SKA3: variants seen among roughly 807,000 people sequenced by gnomAD.
SKA3 encodes the protein spindle and kinetochore associated complex subunit 3.
A neutral mutation model predicts 44.2 loss-of-function variants in SKA3; 39 were observed. The observed-to-expected ratio is 0.88, with a 90% CI of 0.68 to 1.15. The LOEUF (loss-of-function observed/expected upper bound fraction) is 1.15, where lower values mean the gene tolerates loss of function less well. SKA3 is among the 50% of genes most tolerant of loss of function. The pLI, the probability that SKA3 is intolerant of heterozygous loss-of-function variation, is 0.00. For synonymous variants in SKA3, 192 were observed against 172.0 expected (o/e 1.12, Z -0.91); for missense variants, 511 against 485.8 (o/e 1.05, Z -0.49).
intron 6 of SKA3, among the ~76,000 whole-genome samples, chr13:21,158,698 G>C (rs1870271952): frequency 6.6e-6 from 1 of 152,084 alleles, no homozygotes; most frequent in Admixed American, 6.6e-5. Flanking sequence ...GATTTAGATG[G>C]ATACTCCCAC....
rs1282759035 is a variant in SKA3, at chr13:21,153,663, A to G, written c.*1487T>C. On this transcript the variant is annotated 3_prime_UTR_variant, in exon 9 of 9. Transcript: ENST00000314759. The stretch of plus-strand genomic sequence containing the variant: ...ACAGAATCATCACTCTCCTTGAAAT[A>G]CTTTCTTCCTACTTCACTGGCCTCA... 2 of 152,204 alleles carry G rather than the reference A, an allele frequency of 1.3e-5. No individual in the cohort carries two copies. Among genetic ancestry groups the G allele is most frequent in the African/African-American group, 4.8e-5 (2 of 41,426 alleles). The allele number at this position is 152,204 out of a possible 1,614,324, so 9.4% of individuals were successfully genotyped here. A position where few individuals can be genotyped will look rare whatever the true frequency, so the allele number is the denominator to read the frequency against.
At chr13:21,160,057 C>T (rs958082021) in intron 5 of SKA3, 70 bp from the exon 6 acceptor site, 1 of 959,032 alleles carries the variant, frequency 1.0e-6, no homozygotes, top group East Asian at 4.0e-5. Context: ...GGAAGAAAAT[C>T]TCATATTTAC....
chr13:21,170,514 A>G (rs1218121866), intron 3 of SKA3, among the ~76,000 whole-genome samples: 1 of 152,082 alleles, frequency 6.6e-6, no homozygotes, highest in Non-Finnish European at 1.5e-5. Flanking sequence ...GTTTTGTTTT[A>G]AAAGTCTTGA....
chr13:21,161,809 G>C lies in SKA3; in HGVS notation c.810C>G (p.Ile270Met), dbSNP rs778222028. ...DNVFATPSPI[I>M]QQLEKSDAEY... ...ACTTACCACTTTTTTCCAACTGCTG[G>C]ATGATGGGGCTGGGAGTGGCAAAAA... The change falls in exon 5 of 9, where the codon ATC becomes ATG. Residue 270 changes from isoleucine to methionine, a missense_variant. Ile to Met is a conservative substitution (Grantham distance 10, BLOSUM62 1). Coordinates refer to ENST00000314759, the MANE Select transcript of SKA3 (RefSeq NM_145061.6). The C allele has an allele frequency of 6.2e-7, 1 of 1,611,648 alleles. No individual in the cohort carries two copies. The highest frequency in any genetic ancestry group is 1.1e-5 in the South Asian group (1 of 90,746).
chr13:21,174,999 AGATG>A lies in SKA3; in HGVS notation c.103+1372_103+1375del, dbSNP rs1230783894. Among the ~76,000 whole-genome samples, 7 of 152,206 alleles carry A rather than the reference AGATG, an allele frequency of 4.6e-5. No individual in the cohort carries two copies. The East Asian group carries it at 1.2e-3, about 25-fold the overall frequency. ...ATCTGAAGATAGTTTTTTCTTTCTT[AGATG>A]GAGTCTAAGATCGCTCAGGCTGGAG... On this transcript the variant is annotated intron_variant, in intron 1 of 8. Transcript: ENST00000314759.
At chr13:21,157,397 C>T (rs1870169525) in intron 7 of SKA3, among the ~76,000 whole-genome samples, 1 of 152,192 alleles carries the variant, frequency 6.6e-6, no homozygotes, top group South Asian at 2.1e-4. Context: ...AGGCTACAAA[C>T]CTGTACAGCA....
intron 1 of SKA3, among the ~76,000 whole-genome samples, chr13:21,175,191 T>G (rs1165173419): frequency 6.6e-6 from 1 of 151,310 alleles, no homozygotes; most frequent in Non-Finnish European, 1.5e-5. Flanking sequence ...TTGGCCAGGC[T>G]GGTCTTGAAC....
At chr13:21,167,659 CGGGA>C (rs1186925733) in intron 4 of SKA3, among the ~76,000 whole-genome samples, 1 of 150,910 alleles carries the variant, frequency 6.6e-6, no homozygotes, top group African/African-American at 2.4e-5. Context: ...CCCAGCTACT[CGGGA>C]GGGTGAGGCA....
Position 21,156,778 on chromosome 13 carries a change from G to GTAA in SKA3, c.1120-968_1120-967insTTA, listed in dbSNP as rs1316227433. Among the ~76,000 whole-genome samples, 155 of 58,644 alleles carry GTAA rather than the reference G, an allele frequency of 2.6e-3. 34 individuals are homozygous for GTAA. The highest frequency in any genetic ancestry group is 4.0e-3 in the African/African-American group (82 of 20,454). 38.5% of individuals were successfully genotyped at this position (58,644 alleles called of 152,430 possible). A position where few individuals can be genotyped will look rare whatever the true frequency, so the allele number is the denominator to read the frequency against. On this transcript the variant is annotated intron_variant, in intron 7 of 8. Transcript: ENST00000314759. Reference sequence around the variant, plus strand: ...AATGGCTATTAAGAATTCCACACGTGGGCCGGGCGCGGTGGCTCACGCCTG... The same window carrying GTAA: ...AATGGCTATTAAGAATTCCACACGTGTAAGGCCGGGCGCGGTGGCTCACGCCTG...
At chr13:21,163,371 A>G (rs1179746612) in intron 4 of SKA3, among the ~76,000 whole-genome samples, 1 of 152,240 alleles carries the variant, frequency 6.6e-6, no homozygotes, top group East Asian at 1.9e-4. Context: ...TGTGCTTTTG[A>G]ACTTTTGAAC....
chr13:21,173,277 A>G (rs867465475), intron 1 of SKA3, among the ~76,000 whole-genome samples: 6 of 152,070 alleles, frequency 3.9e-5, no homozygotes, highest in Admixed American at 1.3e-4. Flanking sequence ...TTTTTTTGAG[A>G]TGGAGTTTCG....
Position 21,163,455 on chromosome 13 carries a change from G to A in SKA3, c.744-1580C>T, listed in dbSNP as rs142746846. ...GTTTTCCTTGAATTTGTTCATTTAA[G>A]TAAAATTTCATAAAGGCTTTTATAT... On this transcript the variant is annotated intron_variant, in intron 4 of 8. Coordinates refer to ENST00000314759, the MANE Select transcript of SKA3 (RefSeq NM_145061.6). Among the ~76,000 whole-genome samples the A allele has an allele frequency of 1.5e-3, 228 of 152,170 alleles. 1 individual carries two copies. In the East Asian group the frequency reaches 0.039, roughly 26 times the overall value.
chr13:21,172,047 T>C (rs905062900), intron 3 of SKA3, among the ~76,000 whole-genome samples: 1 of 152,254 alleles, frequency 6.6e-6, no homozygotes, highest in Admixed American at 6.5e-5. Context: ...AGATTTATCT[T>C]GTAGTTTTTC....
At chr13:21,169,464 G>A (rs1264542310) in intron 3 of SKA3, among the ~76,000 whole-genome samples, 4 of 151,764 alleles carry the variant, frequency 2.6e-5, no homozygotes, top group South Asian at 2.1e-4. Flanking sequence ...GCCTCCCAGC[G>A]TGCTGGGATT....
Position 21,157,947 on chromosome 13 carries a change from G to T in SKA3, c.1094C>A (p.Thr365Asn), listed in dbSNP as rs371276619. The change falls in exon 7 of 9, where the codon ACT becomes AAT. Residue 365 changes from threonine (T) to asparagine (N), a missense_variant. By Grantham distance (65) the Thr-to-Asn change is moderately conservative. Transcript: ENST00000314759. ...CTGGAGAATATCTTCTGGAATTTTA[G>T]TTACTTCCGGAGGTGTAGGTGTTCT... ...LLRTPTPPEV[T>N]KIPEDILQLL... is the part of the protein sequence containing the mutation. 2.4e-5 allele frequency: 38 copies of T among 1,602,394 alleles called. No homozygotes were observed. Among genetic ancestry groups the T allele is most frequent in the Non-Finnish European group, 3.1e-5 (37 of 1,175,264 alleles).
intron 5 of SKA3, among the ~76,000 whole-genome samples, chr13:21,160,923 A>C (rs995042849): frequency 2.0e-5 from 3 of 152,200 alleles, no homozygotes; most frequent in Admixed American, 1.3e-4. Flanking sequence ...CAGGAGTTTG[A>C]GGCCAGCATT....
intron 3 of SKA3, among the ~76,000 whole-genome samples, chr13:21,169,364 T>C (rs1225732347): frequency 6.6e-6 from 1 of 152,100 alleles, no homozygotes; most frequent in Non-Finnish European, 1.5e-5. Context: ...CATGCCCAGC[T>C]AATTTTTTGT....
chr13:21,176,008 A>C (rs1871490778), intron 1 of SKA3, among the ~76,000 whole-genome samples: 1 of 152,214 alleles, frequency 6.6e-6, no homozygotes, highest in African/African-American at 2.4e-5. Flanking sequence ...AAAGCATATC[A>C]CGTATAAATT....
intron 8 of SKA3, among the ~76,000 whole-genome samples, chr13:21,155,408 AT>A (rs369888291): frequency 0.16 from 23,212 of 144,834 alleles, 2,087 homozygotes; most frequent in Middle Eastern, 0.27. Context: ...TCAAATGTTA[AT>A]TTTTTTTTTT....
Sources: gnomAD v4.1 joint callset for allele counts (sites outside exome capture counted in the v4.1 genomes callset) on GRCh38, gnomAD v4.1.1 for gene constraint, MANE v1.5 for transcripts, NCBI Gene and HGNC (gene_info 2026-07-23, HGNC 2026-07-21) for gene names.